Variants in GALNT17 observed in about 807,000 individuals in gnomAD.
GALNT17 encodes the protein polypeptide N-acetylgalactosaminyltransferase 17.
Under a neutral mutation model 63.7 loss-of-function variants are expected in GALNT17, and 29 were observed. The ratio of observed to expected loss-of-function variants is 0.46; its 90% confidence interval spans 0.34 to 0.62. The LOEUF (loss-of-function observed/expected upper bound fraction) is 0.62. Among genes scored for constraint, GALNT17 ranks in the 20% least tolerant of loss-of-function variants. The probability of loss-of-function intolerance (pLI) is 0.01; values close to 1 mark genes in which losing one functional copy is unlikely to be tolerated. For missense variants in GALNT17, 603 were observed against 799.6 expected (o/e 0.75, Z 2.97); for synonymous variants, 305 against 318.3 (o/e 0.96, Z 0.45).
At chr7:71,711,020 C>A in intron 10 of GALNT17, 92 bp downstream of exon 10, 1 of 1,483,708 alleles carries the variant, frequency 6.7e-7, no homozygotes, top group Non-Finnish European at 9.0e-7. Flanking sequence ...GGGTCCCCAG[C>A]AAAGAGCGAC....
intron 6 of GALNT17, among the ~76,000 whole-genome samples, chr7:71,601,658 G>C (rs1046368945): frequency 6.6e-5 from 10 of 152,006 alleles, no homozygotes; most frequent in Non-Finnish European, 1.2e-4. Context: ...GGTAGTGCTC[G>C]CCTGTGGTCC....
intron 9 of GALNT17, among the ~76,000 whole-genome samples, chr7:71,696,213 A>G (rs979259469): frequency 6.6e-6 from 1 of 152,110 alleles, no homozygotes; most frequent in Admixed American, 6.6e-5. Flanking sequence ...CCTGGGCTCA[A>G]TTGATCCTCC....
intron 2 of GALNT17, among the ~76,000 whole-genome samples, chr7:71,354,143 C>T (rs998866556): frequency 3.9e-5 from 6 of 152,086 alleles, no homozygotes; most frequent in Admixed American, 2.0e-4. Flanking sequence ...CCTAACACAC[C>T]CTACCTCCAA....
intron 6 of GALNT17, among the ~76,000 whole-genome samples, chr7:71,623,213 G>A (rs56004422): frequency 0.25 from 38,081 of 151,948 alleles, 5,085 homozygotes; most frequent in Non-Finnish European, 0.29. Context: ...TGTGGCATTA[G>A]GCAAGTTACT....
At chr7:71,677,615 T>C (rs1197527738) in intron 9 of GALNT17, among the ~76,000 whole-genome samples, 1 of 151,498 alleles carries the variant, frequency 6.6e-6, no homozygotes, top group Admixed American at 6.6e-5. Flanking sequence ...CCCAGGCTCA[T>C]GTGATTCTCC....
At chr7:71,652,756 G>T (rs1391684492) in intron 6 of GALNT17, among the ~76,000 whole-genome samples, 2 of 152,096 alleles carry the variant, frequency 1.3e-5, no homozygotes, top group Non-Finnish European at 1.5e-5. Context: ...TTGGTAAAAA[G>T]AAGAATTCCT....
chr7:71,322,146 G>T (rs1021751814), intron 1 of GALNT17, among the ~76,000 whole-genome samples: 2 of 150,964 alleles, frequency 1.3e-5, no homozygotes, highest in African/African-American at 4.9e-5. Context: ...GTAGAGACAG[G>T]TCTCATTATG....
chr7:71,621,457 G>A (rs532424500), intron 6 of GALNT17, among the ~76,000 whole-genome samples: 4 of 152,002 alleles, frequency 2.6e-5, no homozygotes, highest in African/African-American at 2.4e-5. Context: ...CTGAATAGGC[G>A]GGTGGATGGA....
At chr7:71,273,745 T>G (rs1790633572) in intron 1 of GALNT17, among the ~76,000 whole-genome samples, 1 of 152,190 alleles carries the variant, frequency 6.6e-6, no homozygotes, top group South Asian at 2.1e-4. Flanking sequence ...AGACTTTGGC[T>G]AAGCATTCTT....
intron 5 of GALNT17, among the ~76,000 whole-genome samples, chr7:71,497,435 C>G (rs900475501): frequency 6.6e-6 from 1 of 152,192 alleles, no homozygotes; most frequent in Non-Finnish European, 1.5e-5. Flanking sequence ...AGTCTTTCCT[C>G]AGTCACATTC....
chr7:71,691,711 T>C (rs996318044), intron 9 of GALNT17, among the ~76,000 whole-genome samples: 1 of 152,144 alleles, frequency 6.6e-6, no homozygotes, highest in Non-Finnish European at 1.5e-5. Context: ...GGTTTTGTGC[T>C]CATGTTAGGC....
chr7:71,559,257 A>G (rs1016686982), intron 5 of GALNT17, among the ~76,000 whole-genome samples: 5 of 152,224 alleles, frequency 3.3e-5, no homozygotes, highest in Admixed American at 3.3e-4. Context: ...ATTCTATTCA[A>G]GCCAGCCAAC....
chr7:71,157,840 C>T (rs1216323882), intron 1 of GALNT17, among the ~76,000 whole-genome samples: 4 of 151,730 alleles, frequency 2.6e-5, no homozygotes, highest in East Asian at 3.9e-4. Context: ...ATGAGGTTCA[C>T]GTTTTTAACT....
At chr7:71,159,808 G>T (rs1224987884) in intron 1 of GALNT17, among the ~76,000 whole-genome samples, 1 of 151,050 alleles carries the variant, frequency 6.6e-6, no homozygotes, top group Non-Finnish European at 1.5e-5. Context: ...TTGAGATGGA[G>T]TCTCACTCTG....
Position 71,316,780 on chromosome 7 carries a change from G to A in GALNT17, c.239-18770G>A, listed in dbSNP as rs556412713. On this transcript the variant is annotated intron_variant, in intron 1 of 10. Coordinates refer to ENST00000333538, the MANE Select transcript of GALNT17 (RefSeq NM_022479.3). ...AGAGTGATACAGGGATTGTTTCCACGTCCATTCCCTGAAGCTCCTTAGAGA... is the reference window on the plus strand; with the variant it reads ...AGAGTGATACAGGGATTGTTTCCACATCCATTCCCTGAAGCTCCTTAGAGA... Among the ~76,000 whole-genome samples the A allele has an allele frequency of 6.6e-5, 10 of 152,266 alleles. No homozygotes were observed. The South Asian group carries it at 1.9e-3, about 28-fold the overall frequency.
At chr7:71,358,490 C>T (rs894422252) in intron 2 of GALNT17, among the ~76,000 whole-genome samples, 5 of 152,204 alleles carry the variant, frequency 3.3e-5, no homozygotes, top group African/African-American at 1.2e-4. Context: ...CTGAGTTTCC[C>T]CTTCTGATGG....
chr7:71,249,980 G>T lies in GALNT17; in HGVS notation c.239-85570G>T, dbSNP rs114828195. On this transcript the variant is annotated intron_variant, in intron 1 of 10. Coordinates refer to ENST00000333538, the MANE Select transcript of GALNT17 (RefSeq NM_022479.3). ...TGCTGAAACTCTTCATATGGAAGGCGTTTAAAAGCCTAGAAAATCTGTTTC... is the reference window on the plus strand; with the variant it reads ...TGCTGAAACTCTTCATATGGAAGGCTTTTAAAAGCCTAGAAAATCTGTTTC... Among the ~76,000 whole-genome samples, 837 of 152,292 alleles carry T rather than the reference G, an allele frequency of 5.5e-3. 7 individuals carry two copies. Among genetic ancestry groups the T allele is most frequent in the African/African-American group, 0.02 (818 of 41,566 alleles).
chr7:71,558,887 A>G (rs1302929384), intron 5 of GALNT17, among the ~76,000 whole-genome samples: 1 of 152,202 alleles, frequency 6.6e-6, no homozygotes, highest in African/African-American at 2.4e-5. Flanking sequence ...TGAGACTGGC[A>G]ACTTCAGTCA....
At chr7:71,627,728 A>G (rs994842784) in intron 6 of GALNT17, among the ~76,000 whole-genome samples, 1 of 152,236 alleles carries the variant, frequency 6.6e-6, no homozygotes, top group African/African-American at 2.4e-5. Flanking sequence ...GACAAGGGAA[A>G]TAAAAGAAAG....
Sources: allele counts gnomAD v4.1 joint callset (sites outside exome capture counted in the v4.1 genomes callset), GRCh38; gene constraint gnomAD v4.1.1; transcripts MANE v1.5; gene names NCBI Gene and HGNC (gene_info 2026-07-23, HGNC 2026-07-21).